TPTE: variants seen among roughly 807,000 people sequenced by gnomAD.
TPTE encodes the protein transmembrane phosphatase with tensin homology.
In TPTE, 59 loss-of-function variants were observed where a neutral mutation model predicts 84.1. That is an observed-to-expected ratio of 0.70 (90% CI 0.57 to 0.87). The LOEUF is 0.87. TPTE is among the 40% of genes least tolerant of loss of function. TPTE has a pLI of 0.00. For synonymous variants in TPTE, 130 were observed against 223.5 expected (o/e 0.58, Z 3.73); for missense variants, 382 against 659.6 (o/e 0.58, Z 4.61).
At chr21:10,522,043 A>T (rs1403854653) in intron 1 of TPTE, among the ~76,000 whole-genome samples, 1 of 151,974 alleles carries the variant, frequency 6.6e-6, no homozygotes, top group Non-Finnish European at 1.5e-5. Flanking sequence ...CCGGAGCCGC[A>T]GGTAAAGGGG....
chr21:10,598,961 G>A (rs1176587558), intron 21 of TPTE, among the ~76,000 whole-genome samples: 2 of 152,312 alleles, frequency 1.3e-5, no homozygotes, highest in African/African-American at 2.4e-5. Context: ...ACTCTTAAAG[G>A]ATGACCCGTT....
chr21:10,585,786 A>G (rs369170623), intron 17 of TPTE, among the ~76,000 whole-genome samples: 548 of 151,248 alleles, frequency 3.6e-3, no homozygotes, highest in African/African-American at 0.013. Context: ...ATGTTTTTAT[A>G]ATTTTATTTC....
chr21:10,573,888 C>T (rs529462022), intron 14 of TPTE, among the ~76,000 whole-genome samples: 517 of 150,972 alleles, frequency 3.4e-3, no homozygotes, highest in Non-Finnish European at 5.7e-3. Context: ...TGCAAATCCT[C>T]TTCAGGCCCA....
intron 10 of TPTE, among the ~76,000 whole-genome samples, chr21:10,564,498 A>G (rs370625591): frequency 1.6e-3 from 238 of 152,358 alleles, no homozygotes; most frequent in African/African-American, 5.6e-3. Context: ...TGACAGAGTG[A>G]GATTCAGTCT....
intron 3 of TPTE, among the ~76,000 whole-genome samples, chr21:10,533,419 C>T (rs2074212336): frequency 6.6e-6 from 1 of 152,308 alleles, no homozygotes; most frequent in Non-Finnish European, 1.5e-5. Flanking sequence ...AGTTTTGCTA[C>T]AGTCGGTATG....
At chr21:10,552,279 G>A (rs1431448132) in intron 7 of TPTE, among the ~76,000 whole-genome samples, 1 of 152,310 alleles carries the variant, frequency 6.6e-6, no homozygotes. Flanking sequence ...GCTTAATGCA[G>A]TTTTTGCTTT....
chr21:10,563,733 A>G (rs1487252743), intron 10 of TPTE, among the ~76,000 whole-genome samples: 1 of 152,312 alleles, frequency 6.6e-6, no homozygotes, highest in African/African-American at 2.4e-5. Context: ...AAGAAGGAAG[A>G]GAAGACCCCA....
chr21:10,598,851 C>T lies in TPTE; in HGVS notation c.1356+757C>T, dbSNP rs373691184. ...CTCCTATTACTAACCCTATTCCCTG[C>T]CATGCCCTCCCTACTCTGCGCCCGG... On this transcript the variant is annotated intron_variant, in intron 21 of 23. Transcript: ENST00000618007. 1.6e-3 allele frequency among the ~76,000 whole-genome samples: 236 copies of T among 151,598 alleles called. No individual in the cohort carries two copies. In the East Asian group the frequency reaches 0.04, roughly 25 times the overall value.
rs1231535569 is a variant in TPTE at position 10,556,193 on chromosome 21, TC to T, written c.234-3295del. Among the ~76,000 whole-genome samples the T allele has an allele frequency of 2.6e-5, 4 of 151,750 alleles. No homozygotes were observed. In the South Asian group the frequency reaches 6.3e-4, roughly 24 times the overall value. The stretch of plus-strand genomic sequence containing the variant: ...ATCTCCTAATGCTATCCCTCCCCCA[TC>T]CCCCCACCCCATGACAGGCCCTGGT... On this transcript the variant is annotated intron_variant, in intron 8 of 23. Coordinates refer to ENST00000618007, the MANE Select transcript of TPTE (RefSeq NM_199261.4).
chr21:10,525,617 A>G (rs1191445586), intron 2 of TPTE, among the ~76,000 whole-genome samples: 2 of 152,306 alleles, frequency 1.3e-5, no homozygotes, highest in Admixed American at 6.5e-5. Context: ...AGGTGTAGCT[A>G]ACCTTCAGCT....
intron 10 of TPTE, among the ~76,000 whole-genome samples, chr21:10,563,358 T>G (rs1005830225): frequency 3.9e-5 from 6 of 152,310 alleles, no homozygotes; most frequent in African/African-American, 1.4e-4. Flanking sequence ...AAATGCAGAA[T>G]GTCATAACAC....
At chr21:10,553,121 A>G (rs1468427603) in intron 8 of TPTE, among the ~76,000 whole-genome samples, 1 of 152,312 alleles carries the variant, frequency 6.6e-6, no homozygotes, top group African/African-American at 2.4e-5. Context: ...GCAAAAGCAA[A>G]CATATTTTGC....
At chr21:10,603,258 A>C (rs1242205740) in intron 22 of TPTE, among the ~76,000 whole-genome samples, 1 of 152,304 alleles carries the variant, frequency 6.6e-6, no homozygotes, top group African/African-American at 2.4e-5. Context: ...ATAGGTCCTT[A>C]GTAGAGTCTG....
chr21:10,581,280 A>C (rs2075266701), intron 17 of TPTE, among the ~76,000 whole-genome samples: 1 of 152,312 alleles, frequency 6.6e-6, no homozygotes, highest in Non-Finnish European at 1.5e-5. Context: ...TTGCTTTAAA[A>C]ATGGCCATTT....
chr21:10,548,508 C>A (rs967527381), intron 7 of TPTE, among the ~76,000 whole-genome samples: 2 of 152,422 alleles, frequency 1.3e-5, no homozygotes, highest in Non-Finnish European at 2.9e-5. Context: ...CAGGGCTTCC[C>A]CTGGCAGGCA....
intron 2 of TPTE, among the ~76,000 whole-genome samples, chr21:10,526,936 T>C (rs2074089413): frequency 1.3e-5 from 2 of 152,308 alleles, no homozygotes; most frequent in East Asian, 3.8e-4. Flanking sequence ...GCCATATAAC[T>C]TTAAAAAAAT....
At chr21:10,586,623 TTAA>T (rs1291657414) in intron 17 of TPTE, among the ~76,000 whole-genome samples, 2 of 152,426 alleles carry the variant, frequency 1.3e-5, no homozygotes, top group Non-Finnish European at 2.9e-5. Flanking sequence ...TGATTGAATT[TTAA>T]TAATATAATT....
chr21:10,530,285 T>C (rs1193641800), intron 3 of TPTE, among the ~76,000 whole-genome samples: 2 of 152,310 alleles, frequency 1.3e-5, no homozygotes, highest in Admixed American at 6.5e-5. Context: ...TAGGCCTTTT[T>C]AATATCTAGA....
At chr21:10,568,329 A>C (rs2145699036) in intron 11 of TPTE, among the ~76,000 whole-genome samples, 1 of 152,418 alleles carries the variant, frequency 6.6e-6, no homozygotes, top group African/African-American at 2.4e-5. Context: ...AAAAAATAGC[A>C]AACAGAACAG....
Sources: allele counts gnomAD v4.1 joint callset (sites outside exome capture counted in the v4.1 genomes callset), GRCh38; gene constraint gnomAD v4.1.1; transcripts MANE v1.5; gene names NCBI Gene and HGNC (gene_info 2026-07-23, HGNC 2026-07-21).